The following RYR3 variants were observed in gnomAD, a reference collection of about 807,000 sequenced individuals.
The protein encoded by RYR3 is brain ryanodine receptor-calcium release channel.
A neutral mutation model predicts 584.3 loss-of-function variants in RYR3; 207 were observed. That is an observed-to-expected ratio of 0.35 (90% CI 0.32 to 0.40). RYR3 has a LOEUF of 0.40. Among genes scored for constraint, RYR3 ranks in the 10% least tolerant of loss-of-function variants. The pLI is 1.00. For missense variants in RYR3, 5,616 were observed against 6,089.2 expected (o/e 0.92, Z 2.59); for synonymous variants, 2,416 against 2,248.5 (o/e 1.07, Z -2.11).
In RYR3 at chr15:33,816,911, G is replaced by C; in HGVS notation, c.10552G>C (p.Glu3518Gln). ...CCATGGCTATCAGAGATTTTGGATA[G>C]AAACAGAGGAGTATTCCTTTGAAGA... ...FLHGYQRFWIETEEYSFEEKL... is the reference protein window; with the variant it reads ...FLHGYQRFWIQTEEYSFEEKL... The change falls in exon 75 of 104, where the codon GAA (glutamate) becomes CAA (glutamine). Residue 3518 changes from glutamate to glutamine, a missense_variant. Physicochemically the swap from Glu to Gln is conservative, Grantham distance 29 (BLOSUM62 2). Transcript: ENST00000634891. 6.2e-7 allele frequency: 1 copy of C among 1,612,560 alleles called. No homozygotes were observed. The highest frequency in any genetic ancestry group is 8.5e-7 in the Non-Finnish European group (1 of 1,179,162).
At chr15:33,535,878 T>C (rs1320334752) in intron 5 of RYR3, among the ~76,000 whole-genome samples, 3 of 152,200 alleles carry the variant, frequency 2.0e-5, no homozygotes, top group African/African-American at 7.2e-5. Flanking sequence ...AAGCTGGCTG[T>C]TGAGAAGCTA....
Position 33,748,489 on chromosome 15 carries a change from C to G in RYR3, c.8158C>G (p.Pro2720Ala). The change falls in exon 55 of 104, where the codon CCC becomes GCC. Residue 2720 changes from proline to alanine, a missense_variant. Physicochemically the swap from Pro to Ala is conservative, Grantham distance 27. Transcript: ENST00000634891. ...CTAGGGCAACAGCTACAGTCCTGCTCCCCTCGACCTCTCAAACGTTGTGCT... is the reference window on the plus strand; with the variant it reads ...CTAGGGCAACAGCTACAGTCCTGCTGCCCTCGACCTCTCAAACGTTGTGCT... ...ANQGNSYSPA[P>A]LDLSNVVLSR... is the part of the protein sequence containing the mutation. 6.2e-7 allele frequency: 1 copy of G among 1,613,396 alleles called. No individual in the cohort carries two copies. Among genetic ancestry groups the G allele is most frequent in the South Asian group, 1.1e-5 (1 of 90,810 alleles).
chr15:33,359,378 TC>T (rs1974427583), intron 1 of RYR3, among the ~76,000 whole-genome samples: 1 of 152,198 alleles, frequency 6.6e-6, no homozygotes, highest in African/African-American at 2.4e-5. Flanking sequence ...TCCCGACTCT[TC>T]ACCTTCCTCC....
chr15:33,344,028 G>A lies in RYR3; in HGVS notation c.51+32932G>A, dbSNP rs530927308. Among the ~76,000 whole-genome samples, 50 of 152,288 alleles carry A rather than the reference G, an allele frequency of 3.3e-4. No individual in the cohort carries two copies. In the Middle Eastern group the frequency reaches 0.01, roughly 31 times the overall value. On this transcript the variant is annotated intron_variant, in intron 1 of 103. Coordinates refer to ENST00000634891, the MANE Select transcript of RYR3 (RefSeq NM_001036.6). ...AAATCTCTGCCAAAGAAATAGTCCC[G>A]AAATGCTGTCGCAAGCTTAAATTCA...
chr15:33,602,020 C>G (rs1300743983), intron 17 of RYR3, among the ~76,000 whole-genome samples: 3 of 152,176 alleles, frequency 2.0e-5, no homozygotes, highest in Admixed American at 6.5e-5. Flanking sequence ...AGAGCAGGGT[C>G]CCATGCAGGA....
chr15:33,467,504 C>A, intron 1 of RYR3: 2 of 983,402 alleles, frequency 2.0e-6, no homozygotes, highest in Non-Finnish European at 2.4e-6. Context: ...AGAAAGAAAG[C>A]TGTAAGGATA....
chr15:33,323,407 CT>C (rs1460385914), intron 1 of RYR3, among the ~76,000 whole-genome samples: 1 of 152,064 alleles, frequency 6.6e-6, no homozygotes, highest in Non-Finnish European at 1.5e-5. Context: ...CGCGCCCGGC[CT>C]TAATACATAT....
At position 33,838,548 on chromosome 15, in the gene RYR3, A is replaced by G; in HGVS notation, c.12568A>G (p.Met4190Val). ...LVKVLFSFFW[M>V]LFVGLFQLLF... is the part of the protein sequence containing the mutation. The stretch of plus-strand genomic sequence containing the variant: ...GAAGGTGCTCTTCTCCTTTTTCTGG[A>G]TGCTGTTCGTGGGGCTATTCCAGTT... Residue 4190 changes from methionine (M) to valine (V), a missense_variant, in exon 89 of 104, where the codon ATG (methionine) becomes GTG (valine). Coordinates refer to ENST00000634891, the MANE Select transcript of RYR3 (RefSeq NM_001036.6). 2 of 1,613,864 alleles carry G rather than the reference A, an allele frequency of 1.2e-6. No homozygotes were observed. The highest frequency in any genetic ancestry group is 1.7e-6 in the Non-Finnish European group (2 of 1,179,840).
rs143467346 is a variant in RYR3 at position 33,373,395 on chromosome 15, T to C, written c.51+62299T>C. Among the ~76,000 whole-genome samples the C allele has an allele frequency of 9.7e-3, 1,482 of 152,346 alleles. 17 individuals are homozygous for C. The highest frequency in any genetic ancestry group is 0.011 in the Non-Finnish European group (779 of 68,038). On this transcript the variant is annotated intron_variant, in intron 1 of 103. Coordinates refer to ENST00000634891, the MANE Select transcript of RYR3 (RefSeq NM_001036.6). ...AGGTACATAACTTACTTAAATCATG[T>C]TTCTGTATCAGTAAAATGGGGTAAT...
chr15:33,323,652 G>A (rs1969308050), intron 1 of RYR3, among the ~76,000 whole-genome samples: 1 of 152,164 alleles, frequency 6.6e-6, no homozygotes, highest in Non-Finnish European at 1.5e-5. Context: ...GGAAGCCTTA[G>A]CCAAGTGAAA....
At chr15:33,504,293 A>G (rs2052268395) in intron 3 of RYR3, among the ~76,000 whole-genome samples, 1 of 152,218 alleles carries the variant, frequency 6.6e-6, no homozygotes, top group African/African-American at 2.4e-5. Flanking sequence ...CAAGCTCCAT[A>G]TTGCCTATGT....
intron 50 of RYR3, among the ~76,000 whole-genome samples, chr15:33,738,839 G>A (rs1221753374): frequency 6.6e-6 from 1 of 152,192 alleles, no homozygotes; most frequent in African/African-American, 2.4e-5. Flanking sequence ...GAGGGAAAGT[G>A]ACTACCAGAG....
In RYR3 at chr15:33,590,405, A is replaced by G. The variant is rs144454590; in HGVS notation, c.1788+4289A>G. ...TACTCAGGTTCTTTTTTGGTTACAT[A>G]TGAATTTTAGGATTGTTTTTTCTAA... On this transcript the variant is annotated intron_variant, in intron 16 of 103. Transcript: ENST00000634891. 6.6e-4 allele frequency among the ~76,000 whole-genome samples: 100 copies of G among 152,262 alleles called. 1 individual carries two copies. Among genetic ancestry groups the G allele is most frequent in the African/African-American group, 2.4e-3 (99 of 41,550 alleles).
rs1454086805 is a variant in RYR3 at position 33,722,897 on chromosome 15, T to A, written c.6800+2T>A. The A allele has an allele frequency of 3.1e-5, 48 of 1,561,430 alleles. No homozygotes were observed. The highest frequency in any genetic ancestry group is 4.1e-5 in the Non-Finnish European group (47 of 1,156,572). On this transcript the variant is annotated splice_donor_variant, in intron 44 of 103. Coordinates refer to ENST00000634891, the MANE Select transcript of RYR3 (RefSeq NM_001036.6). LOFTEE classifies it high-confidence loss of function. ...CTCTCAAGGATACAAAAGAGAAGTGTAAGTGAATGGAATTCCCTTCCGGCA... is the reference window on the plus strand; with the variant it reads ...CTCTCAAGGATACAAAAGAGAAGTGAAAGTGAATGGAATTCCCTTCCGGCA...
intron 8 of RYR3, among the ~76,000 whole-genome samples, chr15:33,546,779 C>T (rs1034291533): frequency 2.6e-5 from 4 of 151,980 alleles, no homozygotes; most frequent in African/African-American, 4.8e-5. Flanking sequence ...TATTTTGAAT[C>T]GACTCATAAT....
At chr15:33,756,171 C>T in intron 58 of RYR3, 135 bp from the exon 59 acceptor site, 1 of 702,280 alleles carries the variant, frequency 1.4e-6, no homozygotes, top group Non-Finnish European at 2.6e-6. Context: ...TTGTAAAGTA[C>T]TTTGTAAGAT....
At chr15:33,602,498 G>C (rs1221266241) in intron 17 of RYR3, among the ~76,000 whole-genome samples, 2 of 151,930 alleles carry the variant, frequency 1.3e-5, no homozygotes, top group African/African-American at 2.4e-5. Context: ...TATACCAATT[G>C]ACCAAAAAAT....
intron 2 of RYR3, among the ~76,000 whole-genome samples, chr15:33,499,969 C>G (rs1417344387): frequency 6.6e-6 from 1 of 152,170 alleles, no homozygotes; most frequent in Non-Finnish European, 1.5e-5. Flanking sequence ...GAATAACAGG[C>G]AGGAGACTTG....
At chr15:33,711,235 ATTTTTTTTT>A (rs143373949) in intron 43 of RYR3, among the ~76,000 whole-genome samples, 5 of 75,788 alleles carry the variant, frequency 6.6e-5, no homozygotes. Context: ...TCTTTCTTTC[ATTTTTTTTT>A]TTTTTTTTTT....
Sources: gnomAD v4.1 joint callset for allele counts (sites outside exome capture counted in the v4.1 genomes callset) on GRCh38, gnomAD v4.1.1 for gene constraint, MANE v1.5 for transcripts, NCBI Gene and HGNC (gene_info 2026-07-23, HGNC 2026-07-21) for gene names.